Variants in ANKRD11 observed in about 807,000 individuals in gnomAD.
ANKRD11 encodes ankyrin repeat domain 11.
A neutral mutation model predicts 195.7 loss-of-function variants in ANKRD11; 17 were observed. That is an observed-to-expected ratio of 0.09 (90% confidence interval 0.06 to 0.13). The LOEUF is 0.13. Ranked by LOEUF, ANKRD11 falls within the 10% of genes least tolerant of loss-of-function variation. The pLI is 1.00. For missense variants in ANKRD11, 3,735 were observed against 3,566.1 expected, an observed-to-expected ratio of 1.05 and a Z score of -1.21; for synonymous variants, 1,953 against 1,528.1, an observed-to-expected ratio of 1.28 and a Z score of -6.49.
In ANKRD11 at chr16:89,281,074, G is replaced by C. The variant is rs372569223; in HGVS notation, c.5468C>G (p.Ser1823Cys). 1.3e-4 allele frequency: 203 copies of C among 1,608,010 alleles called. No individual in the cohort carries two copies. Among genetic ancestry groups the C allele is most frequent in the Non-Finnish European group, 1.7e-4 (200 of 1,175,682 alleles). ...QSVPAASSYDSPMPPSMEDRA... is the reference protein window; with the variant it reads ...QSVPAASSYDCPMPPSMEDRA... ...GTCTTCCATCGAGGGTGGCATGGGA[G>C]AGTCGTAGCTGGAGGCAGCAGGAAC... The change falls in exon 9 of 13, where the codon TCT becomes TGT. Residue 1823 changes from serine to cysteine, a missense_variant. Ser to Cys is a moderately radical substitution (Grantham distance 112). Transcript: ENST00000301030. This position sits in a 1 kb window ranked among gnomAD's most constrained non-coding sequence, Gnocchi z 5.5.
rs189072138 is a variant in ANKRD11 at position 89,297,022 on chromosome 16, G to A, written c.227-5839C>T. 1.4e-3 allele frequency among the ~76,000 whole-genome samples: 208 copies of A among 152,238 alleles called. 2 individuals carry two copies. The highest frequency in any genetic ancestry group is 3.4e-3 in the Middle Eastern group (1 of 294). On this transcript the variant is annotated intron_variant, in intron 4 of 12. Coordinates refer to ENST00000301030, the MANE Select transcript of ANKRD11 (RefSeq NM_013275.6). ...GCCCTCTCGAGGGGACAAGCTTTCC[G>A]TGGGGTCTGGGCCCAAAGCCCCTTC...
intron 1 of ANKRD11, among the ~76,000 whole-genome samples, chr16:89,466,161 A>C (rs1180267240): frequency 1.3e-5 from 2 of 152,196 alleles, no homozygotes; most frequent in East Asian, 1.9e-4. Flanking sequence ...TAAACACCAG[A>C]GCGCATGCAG....
chr16:89,272,207 C>G (rs999212937), intron 11 of ANKRD11: 3 of 152,172 alleles, frequency 2.0e-5, no homozygotes, highest in African/African-American at 7.2e-5. Flanking sequence ...CACTTCACCC[C>G]GGTTAAAATA....
At chr16:89,368,391 T>TTG (rs1359610102) in intron 2 of ANKRD11, among the ~76,000 whole-genome samples, 79 of 139,234 alleles carry the variant, frequency 5.7e-4, no homozygotes, top group African/African-American at 2.1e-3. Context: ...TTTTTTTTTT[T>TTG]TTTTTTTTTT....
At chr16:89,476,975 C>T (rs1273926424) in intron 1 of ANKRD11, among the ~76,000 whole-genome samples, 4 of 152,108 alleles carry the variant, frequency 2.6e-5, no homozygotes, top group African/African-American at 7.2e-5. Flanking sequence ...ACGAGGAGCT[C>T]GTTAAGCTCA....
Position 89,283,844 on chromosome 16 carries a change from A to C in ANKRD11, c.2698T>G (p.Tyr900Asp). ...TTCTTTCGGAAGAAGGGCTCTCTGTAGTCTCGCTTCTCCCGGGCCCGGCTG... is the reference window on the plus strand; with the variant it reads ...TTCTTTCGGAAGAAGGGCTCTCTGTCGTCTCGCTTCTCCCGGGCCCGGCTG... ...RDSRAREKRD[Y>D]REPFFRKKDR... Residue 900 changes from tyrosine (Y) to aspartate (D), a missense_variant, in exon 9 of 13, where the codon TAC (tyrosine) becomes GAC (aspartate). Tyr to Asp is a radical substitution (Grantham distance 160). Coordinates refer to ENST00000301030, the MANE Select transcript of ANKRD11 (RefSeq NM_013275.6). This position sits in a 1 kb window ranked among gnomAD's most constrained non-coding sequence, Gnocchi z 4.3. The C allele has an allele frequency of 6.2e-7, 1 of 1,613,988 alleles. No homozygotes were observed. The highest frequency in any genetic ancestry group is 8.5e-7 in the Non-Finnish European group (1 of 1,179,996).
At chr16:89,383,761 G>A (rs907842218) in intron 2 of ANKRD11, among the ~76,000 whole-genome samples, 9 of 152,064 alleles carry the variant, frequency 5.9e-5, no homozygotes, top group Admixed American at 1.3e-4. Context: ...AGCAGCAGAC[G>A]GAAAGCCAAG....
intron 1 of ANKRD11, chr16:89,418,638 T>C (rs533441627): frequency 1.3e-5 from 2 of 158,828 alleles, no homozygotes; most frequent in Non-Finnish European, 2.8e-5. Context: ...GATACAATCT[T>C]GTGAAATCAC....
At chr16:89,415,572 T>C (rs1176694415) in intron 2 of ANKRD11, among the ~76,000 whole-genome samples, 1 of 151,744 alleles carries the variant, frequency 6.6e-6, no homozygotes, top group Non-Finnish European at 1.5e-5. Flanking sequence ...CAAGCTATTC[T>C]TTTTTTAAAC....
In ANKRD11 at chr16:89,280,442, G is replaced by A. The variant is rs2034107313; in HGVS notation, c.6100C>T (p.Leu2034=). 1.9e-6 allele frequency: 3 copies of A among 1,585,514 alleles called. No individual in the cohort carries two copies. The highest frequency in any genetic ancestry group is 1.3e-5 in the African/African-American group (1 of 74,092). Residue 2034 remains leucine, a synonymous_variant, in exon 9 of 13, where the codon CTG becomes TTG. Transcript: ENST00000301030. ...PYALPVAEPG[L]EDVKDGVDAV... ...TCCACTCCGTCCTTGACGTCCTCCA[G>A]CCCCGGCTCAGCGACGGGCAGAGCG...
intron 2 of ANKRD11, among the ~76,000 whole-genome samples, chr16:89,389,858 G>C (rs1410161012): frequency 7.5e-6 from 1 of 133,502 alleles, no homozygotes; most frequent in African/African-American, 2.9e-5. Context: ...AGCACCGAGA[G>C]AAAGAAGATC....
In ANKRD11 at chr16:89,305,285, C is replaced by T. The variant is rs1305037793; in HGVS notation, c.147G>A (p.Lys49=). The T allele has an allele frequency of 1.2e-6, 2 of 1,613,986 alleles. No homozygotes were observed. Among genetic ancestry groups the T allele is most frequent in the Admixed American group, 1.7e-5 (1 of 60,012 alleles). Reference sequence around the variant, plus strand: ...GCTTGCTGGCTCGCTCCCTCACCTCCTTCCCGCCATCGCCACGCTCCAGTT... The same window carrying T: ...GCTTGCTGGCTCGCTCCCTCACCTCTTTCCCGCCATCGCCACGCTCCAGTT... ...TPKLERGDGG[K]EVRERASKRK... The change falls in exon 4 of 13, where the codon AAG becomes AAA. Residue 49 remains lysine (K), a synonymous_variant. Transcript: ENST00000301030.
In ANKRD11 at chr16:89,282,715, G is replaced by A. The variant is rs762783165; in HGVS notation, c.3827C>T (p.Ala1276Val). Residue 1276 changes from alanine to valine, a missense_variant, in exon 9 of 13, where the codon GCG (alanine) becomes GTG (valine). Physicochemically the swap from Ala to Val is moderately conservative, Grantham distance 64. Coordinates refer to ENST00000301030, the MANE Select transcript of ANKRD11 (RefSeq NM_013275.6). ...CAACTTTTCAAGCAGGCTTTTTTCCGCGTCGGCACTTCTCGAGGACTTCCT... is the reference window on the plus strand; with the variant it reads ...CAACTTTTCAAGCAGGCTTTTTTCCACGTCGGCACTTCTCGAGGACTTCCT... The part of the protein sequence containing the change: ...KERKSSRSAD[A>V]EKSLLEKLEE... 13 of 1,613,922 alleles carry A rather than the reference G, an allele frequency of 8.1e-6. No homozygotes were observed. The highest frequency in any genetic ancestry group is 4.5e-5 in the East Asian group (2 of 44,864).
At chr16:89,429,144 G>A (rs56846781) in intron 1 of ANKRD11, among the ~76,000 whole-genome samples, 355 of 77,768 alleles carry the variant, frequency 4.6e-3, no homozygotes, top group Middle Eastern at 9.3e-3. Flanking sequence ...CTCAACTCTC[G>A]CGCTCAGACG....
rs970719186 is a variant in ANKRD11 at position 89,349,589 on chromosome 16, T to C, written c.-59-32511A>G. On this transcript the variant is annotated intron_variant, in intron 2 of 12. Coordinates refer to ENST00000301030, the MANE Select transcript of ANKRD11 (RefSeq NM_013275.6). ...TTTCCACAAATGATGCTGGAAATAA[T>C]TGAATATCCTCATGCAAAAAACAAA... 3.3e-5 allele frequency among the ~76,000 whole-genome samples: 5 copies of C among 152,290 alleles called. No individual in the cohort carries two copies. In the East Asian group the frequency reaches 7.7e-4, roughly 24 times the overall value.
chr16:89,347,402 G>A (rs559800735), intron 2 of ANKRD11, among the ~76,000 whole-genome samples: 1 of 152,280 alleles, frequency 6.6e-6, no homozygotes, highest in South Asian at 2.1e-4. Context: ...GAGGTCAGGA[G>A]ATCAAGACCA....
chr16:89,311,315 GT>G (rs1363563300), intron 3 of ANKRD11, among the ~76,000 whole-genome samples: 2 of 152,112 alleles, frequency 1.3e-5, no homozygotes, highest in African/African-American at 2.4e-5. Flanking sequence ...AAATTTGTAT[GT>G]TTGTGTTCAT....
chr16:89,485,459 A>G (rs2057581205), intron 1 of ANKRD11, among the ~76,000 whole-genome samples: 1 of 152,116 alleles, frequency 6.6e-6, no homozygotes, highest in South Asian at 2.1e-4. Context: ...GTGCCACTGC[A>G]CTCCAGCCTA....
intron 2 of ANKRD11, chr16:89,320,058 C>G (rs900960408): frequency 3.3e-5 from 5 of 152,316 alleles, no homozygotes; most frequent in Non-Finnish European, 7.3e-5. Context: ...AGGGGCTGCA[C>G]GGCACTCAGG....
Sources: gnomAD v4.1 joint callset for allele counts (sites outside exome capture counted in the v4.1 genomes callset) on GRCh38, gnomAD v4.1.1 for gene constraint, Gnocchi (gnomAD v3.1) non-coding constraint, MANE v1.5 for transcripts, NCBI Gene and HGNC (gene_info 2026-07-23, HGNC 2026-07-21) for gene names.